The following FNIP2 variants were observed in gnomAD, a reference collection of about 807,000 sequenced individuals.
FNIP2 encodes folliculin interacting protein 2.
In FNIP2, 32 loss-of-function variants were observed where a neutral mutation model predicts 108.7. The ratio of observed to expected loss-of-function variants is 0.29; its 90% CI spans 0.22 to 0.40. FNIP2 has a LOEUF of 0.40. Among genes scored for constraint, FNIP2 ranks in the 10% least tolerant of loss-of-function variants. The pLI, the probability that FNIP2 is intolerant of heterozygous loss-of-function variation, is 1.00. For synonymous variants in FNIP2, 480 were observed against 496.7 expected, an observed-to-expected ratio of 0.97 and a Z score of 0.45; for missense variants, 1,202 against 1,381.6, an observed-to-expected ratio of 0.87 and a Z score of 2.06.
chr4:158,888,683 G>A lies in FNIP2; in HGVS notation c.2950-2763G>A, dbSNP rs1782139926. On this transcript the variant is annotated intron_variant, in intron 14 of 16. Transcript: ENST00000264433. ...GCAGGCAGATCACTTGAGGCCAGGA[G>A]TTAGAGACAAGCCTGGCCAACACAG... 2.6e-5 allele frequency among the ~76,000 whole-genome samples: 4 copies of A among 152,224 alleles called. No individual in the cohort carries two copies. The South Asian group carries it at 6.2e-4, about 24-fold the overall frequency.
At chr4:158,806,208 T>C (rs1776945695) in intron 1 of FNIP2, 1 of 1,275,436 alleles carries the variant, frequency 7.8e-7, no homozygotes. Context: ...TCCATGTTTA[T>C]GGTCAGGATA....
chr4:158,890,073 A>G, intron 14 of FNIP2: 1 of 985,412 alleles, frequency 1.0e-6, no homozygotes, highest in Non-Finnish European at 1.2e-6. Flanking sequence ...TCAGTTAACA[A>G]TTCTACAAAA....
chr4:158,890,067 T>G, intron 14 of FNIP2: 11 of 985,436 alleles, frequency 1.1e-5, no homozygotes, highest in Non-Finnish European at 1.3e-5. Flanking sequence ...TACTTTTCAG[T>G]TAACAATTCT....
chr4:158,803,724 C>T (rs554361916), intron 1 of FNIP2, among the ~76,000 whole-genome samples: 30 of 152,220 alleles, frequency 2.0e-4, no homozygotes, highest in African/African-American at 6.7e-4. Context: ...TTAAAAAAAT[C>T]TAAAAATCCT....
rs909462914 is a variant in FNIP2, at chr4:158,868,574, T to C, written c.1938T>C (p.Asn646=). 1.9e-6 allele frequency: 3 copies of C among 1,613,530 alleles called. No homozygotes were observed. The highest frequency in any genetic ancestry group is 2.5e-6 in the Non-Finnish European group (3 of 1,179,660). The change falls in exon 13 of 17, where the codon AAT becomes AAC. Residue 646 remains asparagine (N), a synonymous_variant. Transcript: ENST00000264433. The surrounding 1 kb of genome is among the most constrained non-coding windows in gnomAD (Gnocchi z 4.6). ...CAGACGCTTCCTGGAAACCTCAGAA[T>C]GCATTTTGTGGGGATGAGAAAAATA... ...PASDASWKPQ[N]AFCGDEKNKE... is the part of the protein sequence containing the mutation.
At chr4:158,842,862 G>A (rs1346812124) in intron 7 of FNIP2, among the ~76,000 whole-genome samples, 1 of 152,026 alleles carries the variant, frequency 6.6e-6, no homozygotes, top group Non-Finnish European at 1.5e-5. Flanking sequence ...ACCCTTTAAA[G>A]TCCTAAAATC....
chr4:158,824,879 G>T (rs1297092129), intron 1 of FNIP2, among the ~76,000 whole-genome samples: 3 of 152,058 alleles, frequency 2.0e-5, no homozygotes, highest in Non-Finnish European at 4.4e-5. Flanking sequence ...TGCTTCTTCA[G>T]GTCTGTGTTT....
chr4:158,861,751 G>T lies in FNIP2; in HGVS notation c.1440G>T (p.Pro480=). ...QSVNMLAKTH[P]YNPLWAQLGD... ...TGAACATGCTGGCCAAAACACATCC[G>T]TATAATCCTCTTTGGGCACAGCTGG... The change falls in exon 12 of 17, where the codon CCG becomes CCT. Residue 480 remains proline, a synonymous_variant. Coordinates refer to ENST00000264433, the MANE Select transcript of FNIP2 (RefSeq NM_020840.3). The T allele has an allele frequency of 6.2e-7, 1 of 1,613,996 alleles. No individual in the cohort carries two copies. Among genetic ancestry groups the T allele is most frequent in the African/African-American group, 1.3e-5 (1 of 75,036 alleles).
At chr4:158,865,515 C>G (rs1780528575) in intron 12 of FNIP2, among the ~76,000 whole-genome samples, 1 of 152,046 alleles carries the variant, frequency 6.6e-6, no homozygotes, top group African/African-American at 2.4e-5. Context: ...CTTGTTTTAC[C>G]ATTTCCATTT....
At chr4:158,803,520 T>C (rs763268916) in intron 1 of FNIP2, among the ~76,000 whole-genome samples, 4 of 152,238 alleles carry the variant, frequency 2.6e-5, no homozygotes, top group African/African-American at 4.8e-5. Context: ...GATACAATTA[T>C]GCTTTTTCCA....
chr4:158,773,030 G>A (rs1775747977), intron 1 of FNIP2, among the ~76,000 whole-genome samples: 1 of 152,060 alleles, frequency 6.6e-6, no homozygotes, highest in Non-Finnish European at 1.5e-5. Context: ...TGCTTCCTCC[G>A]CTCCCACTAA....
intron 10 of FNIP2, among the ~76,000 whole-genome samples, chr4:158,861,137 C>T (rs867519280): frequency 1.3e-5 from 2 of 152,188 alleles, no homozygotes; most frequent in South Asian, 2.1e-4. Context: ...ACGGCTGTGA[C>T]CCAGTAAAAC....
At chr4:158,808,067 T>G (rs969665722) in intron 1 of FNIP2, among the ~76,000 whole-genome samples, 27 of 152,180 alleles carry the variant, frequency 1.8e-4, no homozygotes, top group Non-Finnish European at 3.2e-4. Context: ...CCTGGGCCAG[T>G]CTCCAGGCTT....
chr4:158,893,859 C>G (rs547814176), intron 15 of FNIP2: 98 of 571,196 alleles, frequency 1.7e-4, no homozygotes, highest in Non-Finnish European at 2.7e-4. Context: ...ATAGTTAATT[C>G]TTTTTACTTC....
chr4:158,831,753 A>G, intron 3 of FNIP2, 108 bp from the exon 4 acceptor site: 1 of 722,566 alleles, frequency 1.4e-6, no homozygotes, highest in Non-Finnish European at 2.4e-6. Context: ...AGCTTTGAGA[A>G]ATAGTTTTAA....
chr4:158,877,954 C>T (rs541612133), intron 14 of FNIP2, among the ~76,000 whole-genome samples: 181 of 151,948 alleles, frequency 1.2e-3, no homozygotes, highest in African/African-American at 4.3e-3. Flanking sequence ...CCCACCCCCC[C>T]TCACCCACCG....
chr4:158,808,305 A>C (rs1180999429), intron 1 of FNIP2, among the ~76,000 whole-genome samples: 1 of 152,132 alleles, frequency 6.6e-6, no homozygotes, highest in African/African-American at 2.4e-5. Context: ...AAACCTCTAA[A>C]ATTTTTGATA....
chr4:158,769,462 C>A, intron 1 of FNIP2, 143 bp downstream of exon 1: 1 of 447,980 alleles, frequency 2.2e-6, no homozygotes, highest in Non-Finnish European at 3.8e-6. Flanking sequence ...GGCTTGTCAG[C>A]GTGGACGCGC....
At chr4:158,808,161 T>C (rs1304502366) in intron 1 of FNIP2, among the ~76,000 whole-genome samples, 2 of 152,204 alleles carry the variant, frequency 1.3e-5, no homozygotes, top group African/African-American at 4.8e-5. Context: ...GATTCTTAGA[T>C]GTAGTAGTAG....
Sources: allele counts gnomAD v4.1 joint callset (sites outside exome capture counted in the v4.1 genomes callset), GRCh38; gene constraint gnomAD v4.1.1; non-coding constraint Gnocchi (gnomAD v3.1); transcripts MANE v1.5; gene names NCBI Gene and HGNC (gene_info 2026-07-23, HGNC 2026-07-21).